GRIA4: variants seen among roughly 807,000 people sequenced by gnomAD.
GRIA4 encodes glutamate receptor 4.
GRIA4 carries 34 observed loss-of-function variants against 104.0 expected under a neutral mutation model. That is an observed-to-expected ratio of 0.33 (90% CI 0.25 to 0.44). The LOEUF (loss-of-function observed/expected upper bound fraction) is 0.44. Among genes scored for constraint, GRIA4 ranks in the 20% least tolerant of loss-of-function variants. The pLI is 1.00. For missense variants in GRIA4, 750 were observed against 1,096.5 expected (o/e 0.68, Z 4.46); for synonymous variants, 386 against 381.9 (o/e 1.01, Z -0.13).
At chr11:105,656,862 A>G (rs1385774652) in intron 3 of GRIA4, among the ~76,000 whole-genome samples, 6 of 152,048 alleles carry the variant, frequency 3.9e-5, no homozygotes, top group Non-Finnish European at 7.4e-5. Flanking sequence ...GATATGCTGG[A>G]ATGAGCTAAT....
chr11:105,831,748 G>A (rs1370328170), intron 4 of GRIA4, among the ~76,000 whole-genome samples: 1 of 152,018 alleles, frequency 6.6e-6, no homozygotes, highest in Non-Finnish European at 1.5e-5. Flanking sequence ...TGAGATAGGG[G>A]AGCAAGTGGT....
intron 3 of GRIA4, among the ~76,000 whole-genome samples, chr11:105,634,486 A>AAAGT: frequency 3.1e-5 from 2 of 63,826 alleles, no homozygotes; most frequent in Middle Eastern, 0.014. Flanking sequence ...AGAAAGAAAG[A>AAAGT]AAGAAAGAAA....
At position 105,979,971 on chromosome 11, in the gene GRIA4, C is replaced by T. The variant is rs1364112869; in HGVS notation, c.*232C>T. 4 of 267,434 alleles carry T rather than the reference C, an allele frequency of 1.5e-5. No homozygotes were observed. Among genetic ancestry groups the T allele is most frequent in the East Asian group, 1.5e-4 (2 of 13,234 alleles). The allele number at this position is 267,434 out of a possible 1,614,324, so 16.6% of individuals were successfully genotyped here. On this transcript the variant is annotated 3_prime_UTR_variant, in exon 17 of 17. Transcript: ENST00000282499. The stretch of plus-strand genomic sequence containing the variant: ...GAAAACTCACAATTGAGGTTTTTTT[C>T]GGGGAGTGGGTGGGGGAGGGATCTG...
intron 3 of GRIA4, among the ~76,000 whole-genome samples, chr11:105,624,009 C>A (rs1950821211): frequency 6.6e-6 from 1 of 152,024 alleles, no homozygotes; most frequent in Non-Finnish European, 1.5e-5. Context: ...AAATAGCTAA[C>A]ACTTTTCCTG....
chr11:105,633,230 A>G (rs1242875369), intron 3 of GRIA4, among the ~76,000 whole-genome samples: 3 of 152,218 alleles, frequency 2.0e-5, no homozygotes, highest in Non-Finnish European at 4.4e-5. Context: ...CTTAAATTCA[A>G]AAGATTCATT....
At chr11:105,886,124 T>G (rs1946246181) in intron 5 of GRIA4, among the ~76,000 whole-genome samples, 1 of 152,210 alleles carries the variant, frequency 6.6e-6, no homozygotes, top group East Asian at 1.9e-4. Context: ...GAAATTTTAT[T>G]TCACCAATAG....
At chr11:105,615,607 G>A (rs562183335) in intron 3 of GRIA4, among the ~76,000 whole-genome samples, 6 of 151,554 alleles carry the variant, frequency 4.0e-5, no homozygotes, top group East Asian at 1.9e-4. Context: ...GAAGTATGAC[G>A]GAATGGACAT....
intron 11 of GRIA4, among the ~76,000 whole-genome samples, chr11:105,923,745 T>C (rs1392060136): frequency 6.6e-6 from 1 of 152,144 alleles, no homozygotes; most frequent in Non-Finnish European, 1.5e-5. Context: ...TTTCAAAATC[T>C]TTTTTTAAAT....
chr11:105,777,510 T>C lies in GRIA4; in HGVS notation c.487+24290T>C. Among the ~76,000 whole-genome samples, 3 of 152,322 alleles carry C rather than the reference T, an allele frequency of 2.0e-5. 1 individual carries two copies. Among genetic ancestry groups the C allele is most frequent in the Admixed American group, 2.0e-4 (3 of 15,306 alleles). The stretch of plus-strand genomic sequence containing the variant: ...TATTTTATTTAAACAAAAGCTATAA[T>C]CATCTTATTAAACTAAGTCCCATTC... On this transcript the variant is annotated intron_variant, in intron 4 of 16. Transcript: ENST00000282499.
chr11:105,697,283 GTC>G (rs1170282398), intron 3 of GRIA4, among the ~76,000 whole-genome samples: 1 of 151,916 alleles, frequency 6.6e-6, no homozygotes. Context: ...GAAAGCTAGA[GTC>G]TCTCTCTCTC....
At chr11:105,673,557 AAAAC>A (rs1952440810) in intron 3 of GRIA4, among the ~76,000 whole-genome samples, 1 of 152,076 alleles carries the variant, frequency 6.6e-6, no homozygotes, top group African/African-American at 2.4e-5. Context: ...CTCTCAATTA[AAAAC>A]AAACAGTTTA....
chr11:105,780,066 T>C (rs1941657855), intron 4 of GRIA4, among the ~76,000 whole-genome samples: 1 of 152,176 alleles, frequency 6.6e-6, no homozygotes, highest in Non-Finnish European at 1.5e-5. Context: ...ACTTTAGGTG[T>C]ACCCTGACTA....
At position 105,972,007 on chromosome 11, in the gene GRIA4, A is replaced by G; in HGVS notation, c.2388A>G (p.Gly796=). The change falls in exon 15 of 17, where the codon GGA becomes GGG. Residue 796 remains glycine (G), a synonymous_variant. Transcript: ENST00000282499. ...GGTGGTACGATAAAGGTGAATGTGGACCCAAGGACTCTGGAAGCAAGGTCA... is the reference window on the plus strand; with the variant it reads ...GGTGGTACGATAAAGGTGAATGTGGGCCCAAGGACTCTGGAAGCAAGGTCA... ...NKWWYDKGEC[G]PKDSGSKDKT... 1 of 1,611,940 alleles carries G rather than the reference A, an allele frequency of 6.2e-7. No homozygotes were observed. Among genetic ancestry groups the G allele is most frequent in the Non-Finnish European group, 8.5e-7 (1 of 1,178,272 alleles).
chr11:105,900,082 T>C (rs1229956357), intron 7 of GRIA4, among the ~76,000 whole-genome samples: 1 of 152,188 alleles, frequency 6.6e-6, no homozygotes, highest in Non-Finnish European at 1.5e-5. Context: ...CAGCCACAGC[T>C]GGGACCTTGT....
At chr11:105,794,556 ATATC>A (rs1330087770) in intron 4 of GRIA4, among the ~76,000 whole-genome samples, 4 of 139,100 alleles carry the variant, frequency 2.9e-5, no homozygotes, top group East Asian at 2.1e-4. Flanking sequence ...AGATATATAC[ATATC>A]TATCTATATC....
At chr11:105,619,404 C>CA (rs1950684300) in intron 3 of GRIA4, among the ~76,000 whole-genome samples, 1 of 151,750 alleles carries the variant, frequency 6.6e-6, no homozygotes, top group African/African-American at 2.4e-5. Context: ...AATTGTATGT[C>CA]TGAGCCAATT....
chr11:105,741,890 G>A (rs1044932017), intron 3 of GRIA4, among the ~76,000 whole-genome samples: 7 of 152,106 alleles, frequency 4.6e-5, no homozygotes, highest in African/African-American at 1.7e-4. Flanking sequence ...GCAGGTCAAA[G>A]GGTACAAACT....
intron 5 of GRIA4, among the ~76,000 whole-genome samples, chr11:105,886,517 T>C (rs1946268807): frequency 6.7e-6 from 1 of 149,974 alleles, no homozygotes; most frequent in South Asian, 2.2e-4. Context: ...CTGCCTCTGA[T>C]AACCATTTTT....
intron 4 of GRIA4, among the ~76,000 whole-genome samples, chr11:105,800,999 G>T (rs913000707): frequency 2.0e-5 from 3 of 151,692 alleles, no homozygotes; most frequent in Non-Finnish European, 2.9e-5. Flanking sequence ...ATACAGCATG[G>T]TATTAACAGT....
Sources: gnomAD v4.1 joint callset for allele counts (sites outside exome capture counted in the v4.1 genomes callset) on GRCh38, gnomAD v4.1.1 for gene constraint, MANE v1.5 for transcripts, NCBI Gene and HGNC (gene_info 2026-07-23, HGNC 2026-07-21) for gene names.